Variants in MSANTD5 observed in about 807,000 individuals in gnomAD.
MSANTD5 encodes uncharacterized protein MSANTD5.
chr5:178,698,749 CTTTTTTTTT>C (rs70997624), upstream of MSANTD5, among the ~76,000 whole-genome samples: 1 of 98,794 alleles, frequency 1.0e-5, no homozygotes, highest in African/African-American at 4.0e-5. Flanking sequence ...CATGCTTGGC[CTTTTTTTTT>C]TTTTTTTTTT....
At chr5:178,693,956 A>C (rs1765383089), downstream of MSANTD5, among the ~76,000 whole-genome samples, 1 of 152,024 alleles carries the variant, frequency 6.6e-6, no homozygotes, top group South Asian at 2.1e-4. Context: ...TTTATCCAAA[A>C]ACTATCTCCT....
the MSANTD5 span, among the ~76,000 whole-genome samples, chr5:178,703,874 A>T: frequency 1.3e-5 from 2 of 151,562 alleles, no homozygotes. Context: ...CCAGCTACTC[A>T]GGAGGCTGAG....
At chr5:178,697,369 G>C (rs1317156798) in intron 1 of MSANTD5, among the ~76,000 whole-genome samples, 1 of 152,072 alleles carries the variant, frequency 6.6e-6, no homozygotes, top group East Asian at 1.9e-4. Flanking sequence ...CAGGAGAATG[G>C]CCTGAACCCG....
chr5:178,702,301 C>CTTTTT (rs372575693), upstream of MSANTD5, among the ~76,000 whole-genome samples: 2 of 133,370 alleles, frequency 1.5e-5, no homozygotes, highest in Non-Finnish European at 3.2e-5. Context: ...CTTTTTTTTT[C>CTTTTT]TTTTTTTTTT....
At chr5:178,702,674 T>C (rs1194468240), upstream of MSANTD5, among the ~76,000 whole-genome samples, 1 of 152,054 alleles carries the variant, frequency 6.6e-6, no homozygotes, top group African/African-American at 2.4e-5. Flanking sequence ...CTCAGCTCAC[T>C]GCAACCTCTG....
chr5:178,702,525 T>C (rs1053290344), upstream of MSANTD5, among the ~76,000 whole-genome samples: 1 of 151,770 alleles, frequency 6.6e-6, no homozygotes, highest in Non-Finnish European at 1.5e-5. Flanking sequence ...GGTCTCGACC[T>C]CCTGACCTCA....
At chr5:178,701,838 C>T (rs1484012252), upstream of MSANTD5, among the ~76,000 whole-genome samples, 1 of 149,858 alleles carries the variant, frequency 6.7e-6, no homozygotes, top group Non-Finnish European at 1.5e-5. Context: ...CTCTGCCTCC[C>T]GGGTTCAACC....
the MSANTD5 span, among the ~76,000 whole-genome samples, chr5:178,704,743 G>A: frequency 6.6e-6 from 1 of 152,236 alleles, no homozygotes; most frequent in African/African-American, 2.4e-5. Flanking sequence ...TGCTTTTGCA[G>A]ATAAGGAGTC....
chr5:178,703,246 G>A, the MSANTD5 span, among the ~76,000 whole-genome samples: 4 of 152,232 alleles, frequency 2.6e-5, no homozygotes, highest in South Asian at 2.1e-4. Context: ...ACAGGTGTGC[G>A]GAGGGCGCCC....
upstream of MSANTD5, among the ~76,000 whole-genome samples, chr5:178,700,972 T>C (rs1449337243): frequency 6.6e-6 from 1 of 152,124 alleles, no homozygotes; most frequent in African/African-American, 2.4e-5. Flanking sequence ...GGGTGTTCAG[T>C]TTTTTGTTTG....
At chr5:178,699,640 G>A (rs1765455646), upstream of MSANTD5, among the ~76,000 whole-genome samples, 2 of 152,086 alleles carry the variant, frequency 1.3e-5, no homozygotes, top group Non-Finnish European at 2.9e-5. Context: ...TGAACTCCCG[G>A]CCTCAGGTGA....
upstream of MSANTD5, among the ~76,000 whole-genome samples, chr5:178,702,211 C>T (rs1040788459): frequency 2.0e-5 from 3 of 151,388 alleles, no homozygotes; most frequent in South Asian, 2.1e-4. Context: ...AAAGGGAAAT[C>T]GATCTAAGAG....
At chr5:178,698,684 A>T (rs1765445919), upstream of MSANTD5, among the ~76,000 whole-genome samples, 1 of 147,500 alleles carries the variant, frequency 6.8e-6, no homozygotes, top group Admixed American at 6.7e-5. Context: ...GGCTGAAGTG[A>T]TCCTACTGCC....
downstream of MSANTD5, among the ~76,000 whole-genome samples, chr5:178,692,658 G>A (rs1273246035): frequency 1.3e-5 from 2 of 152,018 alleles, no homozygotes; most frequent in Non-Finnish European, 2.9e-5. Flanking sequence ...TCTCTAATGA[G>A]TAACTGAAAA....
upstream of MSANTD5, among the ~76,000 whole-genome samples, chr5:178,701,356 A>G (rs7711731): frequency 0.42 from 63,377 of 151,850 alleles, 14,194 homozygotes; most frequent in Admixed American, 0.52. Flanking sequence ...AAAAATTAAT[A>G]TATGATTAAT....
chr5:178,704,777 T>C, the MSANTD5 span, among the ~76,000 whole-genome samples: 1 of 152,042 alleles, frequency 6.6e-6, no homozygotes, highest in Non-Finnish European at 1.5e-5. Flanking sequence ...CAAAAGAATA[T>C]AGTATTTTAG....
At chr5:178,700,291 A>C (rs554826782), upstream of MSANTD5, among the ~76,000 whole-genome samples, 2 of 152,258 alleles carry the variant, frequency 1.3e-5, no homozygotes, top group African/African-American at 4.8e-5. Context: ...GAAATTGTGG[A>C]TCTTGTCTAC....
At chr5:178,701,687 A>T (rs560629514), upstream of MSANTD5, among the ~76,000 whole-genome samples, 126 of 147,316 alleles carry the variant, frequency 8.6e-4, no homozygotes, top group African/African-American at 3.0e-3. Flanking sequence ...ATATATATAT[A>T]TTTAAATATA....
intron 3 of MSANTD5, 101 bp from the exon 4 acceptor site, chr5:178,695,048 C>T (rs965096077): frequency 1.3e-5 from 2 of 152,278 alleles, no homozygotes; most frequent in African/African-American, 4.8e-5. Flanking sequence ...CATGTCCATT[C>T]TGAACAAGTC....
Sources: allele counts gnomAD v4.1 joint callset (sites outside exome capture counted in the v4.1 genomes callset), GRCh38; gene constraint gnomAD v4.1.1; transcripts MANE v1.5; gene names NCBI Gene and HGNC (gene_info 2026-07-23, HGNC 2026-07-21).